FYB2: variants seen among roughly 807,000 people sequenced by gnomAD.
The protein encoded by FYB2 is FYN-binding protein 2.
In FYB2, 103 loss-of-function variants were observed where a neutral mutation model predicts 94.1. The observed-to-expected ratio is 1.09, with a 90% CI of 0.93 to 1.29. The LOEUF is 1.29. Among genes scored for constraint, FYB2 ranks in the 50% most tolerant of loss-of-function variants. FYB2 has a pLI of 0.00. For synonymous variants in FYB2, 293 were observed against 287.9 expected (o/e 1.02, Z -0.18); for missense variants, 896 against 841.5 (o/e 1.06, Z -0.80).
chr1:56,733,212 A>G (rs1644749703), intron 15 of FYB2, among the ~76,000 whole-genome samples: 1 of 152,076 alleles, frequency 6.6e-6, no homozygotes, highest in Non-Finnish European at 1.5e-5. Context: ...CCAATAGTTT[A>G]TTTGGGTAGA....
intron 15 of FYB2, among the ~76,000 whole-genome samples, chr1:56,729,306 G>C (rs2100524704): frequency 6.6e-6 from 1 of 152,218 alleles, no homozygotes; most frequent in East Asian, 1.9e-4. Context: ...AATTGTGGCT[G>C]TGCATTGGGG....
chr1:56,769,198 C>T (rs765512525), intron 4 of FYB2, among the ~76,000 whole-genome samples: 7 of 152,010 alleles, frequency 4.6e-5, no homozygotes, highest in Non-Finnish European at 1.0e-4. Flanking sequence ...GCCACCACAC[C>T]CAGATAATTT....
intron 15 of FYB2, among the ~76,000 whole-genome samples, chr1:56,729,552 T>C (rs942221282): frequency 2.6e-5 from 4 of 152,026 alleles, no homozygotes; most frequent in Non-Finnish European, 4.4e-5. Flanking sequence ...AAGGGAGAGA[T>C]ACACCTCAAT....
chr1:56,758,876 T>C (rs762864019), intron 5 of FYB2, 126 bp from the exon 6 acceptor site: 39 of 597,980 alleles, frequency 6.5e-5, no homozygotes, highest in Non-Finnish European at 1.1e-4. Flanking sequence ...CATCAGACTA[T>C]GTAAAGCTCT....
intron 9 of FYB2, among the ~76,000 whole-genome samples, chr1:56,750,012 C>T (rs1305541775): frequency 6.6e-6 from 1 of 151,948 alleles, no homozygotes; most frequent in Admixed American, 6.6e-5. Flanking sequence ...TTTGATTAAT[C>T]CTTTCATTCT....
At chr1:56,723,151 G>T (rs1465495325) in intron 17 of FYB2, among the ~76,000 whole-genome samples, 12 of 151,962 alleles carry the variant, frequency 7.9e-5, no homozygotes, top group Admixed American at 7.9e-4. Context: ...AAACTTGAAT[G>T]AGACAGGGTT....
At chr1:56,743,648 G>A (rs1645005934) in intron 11 of FYB2, among the ~76,000 whole-genome samples, 1 of 152,004 alleles carries the variant, frequency 6.6e-6, no homozygotes, top group South Asian at 2.1e-4. Flanking sequence ...GGCTCCAGAG[G>A]TCTGTAGGGG....
intron 6 of FYB2, among the ~76,000 whole-genome samples, chr1:56,757,428 C>T (rs1167132981): frequency 6.6e-6 from 1 of 151,664 alleles, no homozygotes; most frequent in Admixed American, 6.6e-5. Context: ...TTAACTGATC[C>T]CATTAAAACA....
chr1:56,768,002 A>G (rs1209929116), intron 4 of FYB2, 64 bp from the exon 5 acceptor site: 2 of 1,294,926 alleles, frequency 1.5e-6, no homozygotes, highest in Admixed American at 2.2e-5. Context: ...AGCTTTTTGT[A>G]TTTTTTCCTC....
chr1:56,752,929 G>A (rs1274731401), intron 8 of FYB2, among the ~76,000 whole-genome samples: 1 of 152,062 alleles, frequency 6.6e-6, no homozygotes, highest in African/African-American at 2.4e-5. Context: ...GCCATTGATG[G>A]CTTGGCTTTC....
At position 56,751,160 on chromosome 1, in the gene FYB2, T is replaced by C. The variant is rs369717535; in HGVS notation, c.1271A>G (p.Asn424Ser). Reference protein sequence around the residue: ...EGTPEKIQMTNVHTGRRNMLA... With the variant: ...EGTPEKIQMTSVHTGRRNMLA... ...CATGTTCCTTCTACCTGTGTGGACG[T>C]TGGTCATCTGAATTTTTTCAGGTGT... Residue 424 changes from asparagine (N) to serine (S), a missense_variant, in exon 9 of 20, where the codon AAC (asparagine) becomes AGC (serine). Coordinates refer to ENST00000343433, the MANE Select transcript of FYB2 (RefSeq NM_001004303.5). 11 of 1,612,644 alleles carry C rather than the reference T, an allele frequency of 6.8e-6. No individual in the cohort carries two copies. Among genetic ancestry groups the C allele is most frequent in the South Asian group, 2.2e-5 (2 of 91,050 alleles).
chr1:56,787,119 CTAAG>C, intron 4 of FYB2, 52 bp downstream of exon 4: 3 of 1,593,142 alleles, frequency 1.9e-6, no homozygotes. Flanking sequence ...CTGGAGCAGT[CTAAG>C]TAGCCTCTGT....
intron 5 of FYB2, among the ~76,000 whole-genome samples, chr1:56,764,122 T>C (rs1645566934): frequency 6.6e-6 from 1 of 152,030 alleles, no homozygotes; most frequent in South Asian, 2.1e-4. Context: ...AGCTAATTTT[T>C]TTTGTATTTT....
At chr1:56,727,326 AT>A (rs903482776) in intron 15 of FYB2, among the ~76,000 whole-genome samples, 1 of 152,128 alleles carries the variant, frequency 6.6e-6, no homozygotes, top group South Asian at 2.1e-4. Context: ...TATAATTTGC[AT>A]TTTTTCCCCT....
rs1644462095 is a variant in FYB2 at position 56,720,324 on chromosome 1, G to A, written c.1980C>T (p.Asp660=). 6.3e-7 allele frequency: 1 copy of A among 1,596,338 alleles called. No homozygotes were observed. The highest frequency in any genetic ancestry group is 1.4e-5 in the African/African-American group (1 of 73,964). The change falls in exon 18 of 20, where the codon GAC becomes GAT. Residue 660 remains aspartate, a synonymous_variant. Transcript: ENST00000343433. ...EKLFRERFKY[D]KEIIVINTAV... is the part of the protein sequence containing the mutation. Reference sequence around the variant, plus strand: ...CTGTATTGATGACAATAATCTCTTTGTCGTACTGAAATGAGAAATTACTAA... The same window carrying A: ...CTGTATTGATGACAATAATCTCTTTATCGTACTGAAATGAGAAATTACTAA...
intron 15 of FYB2, among the ~76,000 whole-genome samples, chr1:56,726,917 T>C (rs1245607362): frequency 6.6e-6 from 1 of 150,502 alleles, no homozygotes; most frequent in Admixed American, 6.7e-5. Context: ...TATAATCACA[T>C]TTCATCTCCT....
In FYB2 at chr1:56,719,660, T is replaced by C. The variant is rs113655735; in HGVS notation, c.*11A>G. The C allele has an allele frequency of 7.5e-6, 12 of 1,599,244 alleles. No homozygotes were observed. The East Asian group carries it at 2.7e-4, about 36-fold the overall frequency. On this transcript the variant is annotated 3_prime_UTR_variant, in exon 20 of 20. Coordinates refer to ENST00000343433, the MANE Select transcript of FYB2 (RefSeq NM_001004303.5). ...CCTTTGTGCAGTCCATAGCATTTGA[T>C]CTTGATTTTTCTAAGGTGACCAACT...
At chr1:56,741,534 GAT>G (rs954712448) in intron 12 of FYB2, among the ~76,000 whole-genome samples, 3 of 152,006 alleles carry the variant, frequency 2.0e-5, no homozygotes, top group African/African-American at 7.2e-5. Context: ...GTGAGGGAAT[GAT>G]ATACCCACAT....
chr1:56,791,931 C>A, intron 2 of FYB2, 125 bp downstream of exon 2: 1 of 1,337,084 alleles, frequency 7.5e-7, no homozygotes. Context: ...TAGAATATCA[C>A]GTGGAGAGTC....
Sources: allele counts gnomAD v4.1 joint callset (sites outside exome capture counted in the v4.1 genomes callset), GRCh38; gene constraint gnomAD v4.1.1; transcripts MANE v1.5; gene names NCBI Gene and HGNC (gene_info 2026-07-23, HGNC 2026-07-21).